The following SAMD12 variants were observed in gnomAD, a reference collection of about 807,000 sequenced individuals.
SAMD12 encodes the protein sterile alpha motif domain-containing protein 12.
Under a neutral mutation model 15.0 loss-of-function variants are expected in SAMD12, and 9 were observed. That is an observed-to-expected ratio of 0.60 (90% CI 0.36 to 1.05). The LOEUF (loss-of-function observed/expected upper bound fraction) is 1.05. SAMD12 is among the 50% of genes least tolerant of loss of function. The pLI is 0.01. For synonymous variants in SAMD12, 86 were observed against 90.1 expected, an observed-to-expected ratio of 0.96 and a Z score of 0.25; for missense variants, 230 against 234.2, an observed-to-expected ratio of 0.98 and a Z score of 0.12.
At position 118,485,554 on chromosome 8, in the gene SAMD12, T is replaced by A. The variant is rs1225382217; in HGVS notation, c.193-45593A>T. On this transcript the variant is annotated intron_variant, in intron 2 of 3. Transcript: ENST00000314727. ...ACTTCATTCTGGACTATGACATTTG[T>A]GCTATAGAAGTCAATTGGCAAAATG... is the stretch of plus-strand genomic sequence containing the variant. Among the ~76,000 whole-genome samples, 3 of 152,332 alleles carry A rather than the reference T, an allele frequency of 2.0e-5. No homozygotes were observed. In the South Asian group the frequency reaches 6.2e-4, roughly 32 times the overall value.
At chr8:118,441,108 GTGTTGT>G (rs566332851) in intron 2 of SAMD12, among the ~76,000 whole-genome samples, 28 of 152,102 alleles carry the variant, frequency 1.8e-4, no homozygotes, top group African/African-American at 3.4e-4. Context: ...GCTGACATGT[GTGTTGT>G]TGTTGTTGTT....
At chr8:118,522,283 C>T (rs962983401) in intron 2 of SAMD12, among the ~76,000 whole-genome samples, 4 of 151,942 alleles carry the variant, frequency 2.6e-5, no homozygotes, top group African/African-American at 9.7e-5. Context: ...GAGCATCATC[C>T]AACTTGATTT....
At chr8:118,393,917 G>A (rs1820420743) in intron 3 of SAMD12, among the ~76,000 whole-genome samples, 3 of 152,056 alleles carry the variant, frequency 2.0e-5, no homozygotes, top group Non-Finnish European at 4.4e-5. Flanking sequence ...CATTTGATCT[G>A]AAAGGATCAC....
At chr8:118,596,651 C>T (rs1396529906) in intron 1 of SAMD12, among the ~76,000 whole-genome samples, 1 of 151,946 alleles carries the variant, frequency 6.6e-6, no homozygotes, top group Non-Finnish European at 1.5e-5. Context: ...CTCTCCCTCC[C>T]TTGGCATCTG....
chr8:118,378,805 AC>A lies in SAMD12; in HGVS notation c.*611del. Reference sequence around the variant, plus strand: ...AGACATATCAGTTACATATAGTGTAACTTAAGGCTTTCTTCGAATTCTAGCT... The same window carrying A: ...AGACATATCAGTTACATATAGTGTAATTAAGGCTTTCTTCGAATTCTAGCT... On this transcript the variant is annotated 3_prime_UTR_variant, in exon 4 of 4. Transcript: ENST00000314727. The A allele has an allele frequency of 1.0e-6, 1 of 985,468 alleles. No individual in the cohort carries two copies. The highest frequency in any genetic ancestry group is 1.2e-6 in the Non-Finnish European group (1 of 829,934). The allele number at this position is 985,468 out of a possible 1,614,324, so 61.0% of individuals were successfully genotyped here.
chr8:118,528,688 A>G (rs1037129500), intron 2 of SAMD12, among the ~76,000 whole-genome samples: 4 of 152,162 alleles, frequency 2.6e-5, no homozygotes, highest in Admixed American at 2.6e-4. Flanking sequence ...CTGTCTTCTC[A>G]TTTCCTCTGC....
intron 2 of SAMD12, among the ~76,000 whole-genome samples, chr8:118,568,385 G>T (rs946394254): frequency 3.9e-5 from 6 of 152,206 alleles, no homozygotes; most frequent in Admixed American, 3.9e-4. Context: ...CCAAGGCACA[G>T]ATCATGCAGG....
At chr8:118,211,132 G>A (rs1811813495) in intron 4 of SAMD12, among the ~76,000 whole-genome samples, 1 of 152,214 alleles carries the variant, frequency 6.6e-6, no homozygotes, top group African/African-American at 2.4e-5. Flanking sequence ...GCTGTTTACA[G>A]ATATGGCTGG....
chr8:118,515,605 C>T (rs1004341096), intron 2 of SAMD12, among the ~76,000 whole-genome samples: 1 of 152,150 alleles, frequency 6.6e-6, no homozygotes, highest in African/African-American at 2.4e-5. Flanking sequence ...AAGCTGTCCT[C>T]ACTAAAGGTG....
intron 1 of SAMD12, among the ~76,000 whole-genome samples, chr8:118,590,492 TG>T (rs1827561818): frequency 6.6e-6 from 1 of 152,224 alleles, no homozygotes; most frequent in Non-Finnish European, 1.5e-5. Flanking sequence ...CCTGCGATTG[TG>T]TCAGAGGAAG....
At chr8:118,238,208 A>T (rs1472889827) in intron 4 of SAMD12, among the ~76,000 whole-genome samples, 1 of 152,048 alleles carries the variant, frequency 6.6e-6, no homozygotes, top group African/African-American at 2.4e-5. Flanking sequence ...GTTACGTGAG[A>T]TCATGCATCT....
intron 2 of SAMD12, among the ~76,000 whole-genome samples, chr8:118,531,934 G>A (rs1256019730): frequency 6.6e-6 from 1 of 152,186 alleles, no homozygotes; most frequent in African/African-American, 2.4e-5. Flanking sequence ...TCTCCTGCCT[G>A]ATTGCCCTGG....
chr8:118,386,321 A>C (rs1048080761), intron 3 of SAMD12, among the ~76,000 whole-genome samples: 1 of 152,126 alleles, frequency 6.6e-6, no homozygotes, highest in Non-Finnish European at 1.5e-5. Flanking sequence ...ATGTGGCCAC[A>C]AATCTCTGCC....
At chr8:118,372,698 C>G (rs1819167854) in intron 4 of SAMD12, among the ~76,000 whole-genome samples, 1 of 151,996 alleles carries the variant, frequency 6.6e-6, no homozygotes, top group South Asian at 2.1e-4. Context: ...CTCAAATGTC[C>G]CACAGCTGGG....
intron 3 of SAMD12, among the ~76,000 whole-genome samples, chr8:118,414,158 T>G (rs1821566197): frequency 6.6e-6 from 1 of 152,228 alleles, no homozygotes. Context: ...TTAGCAAATA[T>G]TTATATTCCA....
intron 2 of SAMD12, among the ~76,000 whole-genome samples, chr8:118,505,148 C>T (rs1477280615): frequency 1.3e-5 from 2 of 152,202 alleles, no homozygotes; most frequent in East Asian, 1.9e-4. Flanking sequence ...GTTCCAACTT[C>T]TTCTGTATCT....
In SAMD12 at chr8:118,282,356, A is replaced by G. The variant is rs190338348; in HGVS notation, c.434-84624T>C. Reference sequence around the variant, plus strand: ...GTAGGTAAAGGCTTTCTCCTTCTCAATGCTCTCGTATAGGCTGGTGTTGGT... The same window carrying G: ...GTAGGTAAAGGCTTTCTCCTTCTCAGTGCTCTCGTATAGGCTGGTGTTGGT... On this transcript the variant is annotated intron_variant, in intron 4 of 4. Transcript: ENST00000409003. 1.7e-4 allele frequency: 77 copies of G among 456,160 alleles called. 2 individuals are homozygous for G. The highest frequency in any genetic ancestry group is 9.8e-4 in the African/African-American group (49 of 50,144). 28.3% of individuals were successfully genotyped at this position (456,160 alleles called of 1,614,324 possible).
chr8:118,271,313 C>G (rs981335718), intron 4 of SAMD12, among the ~76,000 whole-genome samples: 2 of 152,114 alleles, frequency 1.3e-5, no homozygotes, highest in African/African-American at 4.8e-5. Flanking sequence ...ACCTCACTCA[C>G]TATCATGAGA....
chr8:118,437,258 G>A (rs1822603297), intron 3 of SAMD12, among the ~76,000 whole-genome samples: 1 of 152,210 alleles, frequency 6.6e-6, no homozygotes, highest in African/African-American at 2.4e-5. Flanking sequence ...GAGAAGCAGG[G>A]GCCAGAGAAC....
Sources: gnomAD v4.1 joint callset for allele counts (sites outside exome capture counted in the v4.1 genomes callset) on GRCh38, gnomAD v4.1.1 for gene constraint, MANE v1.5 for transcripts, NCBI Gene and HGNC (gene_info 2026-07-23, HGNC 2026-07-21) for gene names.